TLL1: variants seen among roughly 807,000 people sequenced by gnomAD.
TLL1 encodes tolloid-like protein 1.
In TLL1, 49 loss-of-function variants were observed where a neutral mutation model predicts 128.2. That is an observed-to-expected ratio of 0.38 (90% CI 0.30 to 0.48). The LOEUF (loss-of-function observed/expected upper bound fraction) is 0.48, where lower values mean the gene tolerates loss of function less well. Among genes scored for constraint, TLL1 ranks in the 20% least tolerant of loss-of-function variants. The pLI, the probability that TLL1 is intolerant of heterozygous loss-of-function variation, is 0.96. For synonymous variants in TLL1, 454 were observed against 418.8 expected (o/e 1.08, Z -1.03); for missense variants, 1,123 against 1,242.0 (o/e 0.90, Z 1.44).
chr4:165,979,149 G>A (rs776802889), intron 1 of TLL1, among the ~76,000 whole-genome samples: 1 of 152,046 alleles, frequency 6.6e-6, no homozygotes, highest in Non-Finnish European at 1.5e-5. Flanking sequence ...TAAAAAAGGT[G>A]TATACATGCA....
rs1199205566 is a variant in TLL1 at position 166,060,092 on chromosome 4, G to A, written c.1911G>A (p.Glu637=). The change falls in exon 15 of 21, where the codon GAG becomes GAA. Residue 637 remains glutamate, a synonymous_variant. Coordinates refer to ENST00000061240, the MANE Select transcript of TLL1 (RefSeq NM_012464.5). ...TAACCACCCCTGGCTGGCCCAAGGA[G>A]TACCCTCCTAATAAGAACTGTGTGT... The part of the protein sequence containing the change: ...GTITTPGWPK[E]YPPNKNCVWQ... 5.0e-6 allele frequency: 8 copies of A among 1,613,674 alleles called. No individual in the cohort carries two copies. In the Admixed American group the frequency reaches 5.0e-5, roughly 10 times the overall value.
intron 1 of TLL1, among the ~76,000 whole-genome samples, chr4:165,880,976 A>G (rs1296232731): frequency 6.6e-6 from 1 of 152,174 alleles, no homozygotes; most frequent in East Asian, 1.9e-4. Context: ...TAAGTGTTGG[A>G]AACCACCTTG....
intron 1 of TLL1, among the ~76,000 whole-genome samples, chr4:165,933,384 C>G (rs137888495): frequency 6.6e-6 from 1 of 151,996 alleles, no homozygotes; most frequent in Non-Finnish European, 1.5e-5. Context: ...GTGTTGTGCC[C>G]GTACAGTTCA....
In TLL1 at chr4:166,006,902, T is replaced by C. The variant is rs569447317; in HGVS notation, c.812-1041T>C. On this transcript the variant is annotated intron_variant, in intron 6 of 20. Transcript: ENST00000061240. ...GGAGAGACATAACTCAATTTCTTTA[T>C]TGCCTTTAGAAAACTCTGTATTAAT... 6.0e-4 allele frequency among the ~76,000 whole-genome samples: 91 copies of C among 151,840 alleles called. 1 individual carries two copies. The highest frequency in any genetic ancestry group is 2.2e-3 in the African/African-American group (90 of 41,534).
intron 11 of TLL1, among the ~76,000 whole-genome samples, chr4:166,042,881 G>A (rs1273721682): frequency 1.3e-5 from 2 of 152,188 alleles, no homozygotes; most frequent in African/African-American, 2.4e-5. Flanking sequence ...GACCCAGTGA[G>A]TTCTGTTCAG....
chr4:166,043,465 G>T lies in TLL1; in HGVS notation c.1524+46G>T. On this transcript the variant is annotated intron_variant, in intron 12 of 20. Transcript: ENST00000061240. Reference sequence around the variant, plus strand: ...TTCCTGGCAAATATTCTCCATAAACGACAATGGCATTTAAGAGAATCCTCA... The same window carrying T: ...TTCCTGGCAAATATTCTCCATAAACTACAATGGCATTTAAGAGAATCCTCA... 5 of 1,612,074 alleles carry T rather than the reference G, an allele frequency of 3.1e-6. No homozygotes were observed. In the South Asian group the frequency reaches 5.5e-5, roughly 18 times the overall value.
intron 9 of TLL1, among the ~76,000 whole-genome samples, 160 bp downstream of exon 9, chr4:166,025,591 A>AT (rs375885426): frequency 6.6e-6 from 1 of 152,176 alleles, no homozygotes; most frequent in Non-Finnish European, 1.5e-5. Flanking sequence ...AACTCCAGGA[A>AT]TTTTTTTGAA....
intron 1 of TLL1, among the ~76,000 whole-genome samples, chr4:165,973,232 A>C (rs939158223): frequency 6.6e-6 from 1 of 152,146 alleles, no homozygotes; most frequent in African/African-American, 2.4e-5. Context: ...TGAGTCCCAA[A>C]GCCTCAAAGA....
intron 1 of TLL1, among the ~76,000 whole-genome samples, chr4:165,944,195 T>C (rs1734140939): frequency 6.6e-6 from 1 of 152,174 alleles, no homozygotes. Flanking sequence ...TATTGCTCTT[T>C]TAAGCAACAG....
intron 9 of TLL1, among the ~76,000 whole-genome samples, chr4:166,027,379 G>A (rs1236713206): frequency 6.6e-6 from 1 of 152,166 alleles, no homozygotes; most frequent in African/African-American, 2.4e-5. Flanking sequence ...TTTTTTAAAA[G>A]TTTGATGTTC....
intron 18 of TLL1, among the ~76,000 whole-genome samples, chr4:166,082,465 T>A (rs1174012514): frequency 6.6e-6 from 1 of 152,178 alleles, no homozygotes; most frequent in Non-Finnish European, 1.5e-5. Flanking sequence ...TCTAGTGTTA[T>A]CTACTTTAAA....
At chr4:165,945,592 G>A (rs1734209349) in intron 1 of TLL1, among the ~76,000 whole-genome samples, 1 of 152,022 alleles carries the variant, frequency 6.6e-6, no homozygotes, top group Non-Finnish European at 1.5e-5. Context: ...GTGATATAAA[G>A]TATGAATTGT....
rs1448744737 is a variant in TLL1 at position 166,065,808 on chromosome 4, A to G, written c.2133A>G (p.Glu711=). The change falls in exon 16 of 21, where the codon GAA becomes GAG. Residue 711 remains glutamate, a synonymous_variant. Transcript: ENST00000061240. ...ITSQFNNMRI[E]FKSDNTVSKK... Reference sequence around the variant, plus strand: ...CCCAGTTCAACAATATGAGAATTGAATTCAAATCTGACAATACTGTATCCA... The same window carrying G: ...CCCAGTTCAACAATATGAGAATTGAGTTCAAATCTGACAATACTGTATCCA... 6.2e-7 allele frequency: 1 copy of G among 1,613,028 alleles called. No individual in the cohort carries two copies. Among genetic ancestry groups the G allele is most frequent in the Admixed American group, 1.7e-5 (1 of 59,884 alleles).
intron 7 of TLL1, among the ~76,000 whole-genome samples, chr4:166,012,962 A>G (rs1737767491): frequency 6.6e-6 from 1 of 151,648 alleles, no homozygotes; most frequent in Non-Finnish European, 1.5e-5. Flanking sequence ...TCTGCTTACC[A>G]TTTTCCTATA....
chr4:166,011,695 C>T (rs994342340), intron 7 of TLL1, among the ~76,000 whole-genome samples: 1 of 151,408 alleles, frequency 6.6e-6, no homozygotes, highest in African/African-American at 2.4e-5. Flanking sequence ...CAAGGGTGGG[C>T]ATCCTTGCCT....
chr4:165,902,590 C>T (rs998071100), intron 1 of TLL1, among the ~76,000 whole-genome samples: 9 of 152,160 alleles, frequency 5.9e-5, no homozygotes, highest in Middle Eastern at 3.2e-3. Flanking sequence ...CCTGCTTTGG[C>T]TTGCCTTCCG....
intron 2 of TLL1, among the ~76,000 whole-genome samples, chr4:165,990,748 T>G (rs186257991): frequency 6.6e-6 from 1 of 151,990 alleles, no homozygotes; most frequent in Non-Finnish European, 1.5e-5. Flanking sequence ...CTATCAGATA[T>G]AAAAATTTAT....
chr4:165,887,553 A>G (rs1731217091), intron 1 of TLL1, among the ~76,000 whole-genome samples: 3 of 152,214 alleles, frequency 2.0e-5, no homozygotes, highest in Admixed American at 2.0e-4. Context: ...TTGTAAAGCA[A>G]TTGAATTTGG....
In TLL1 at chr4:165,908,445, C is replaced by T. The variant is rs115967158; in HGVS notation, c.169+34372C>T. ...ATCTGTACTAAAAATTATCCAGGTG[C>T]GGTGACATTTGCCTGTAGTCCCAGC... On this transcript the variant is annotated intron_variant, in intron 1 of 20. Transcript: ENST00000061240. Among the ~76,000 whole-genome samples, 663 of 151,856 alleles carry T rather than the reference C, an allele frequency of 4.4e-3. 3 individuals carry two copies. The highest frequency in any genetic ancestry group is 0.014 in the African/African-American group (580 of 41,432).
Sources: allele counts gnomAD v4.1 joint callset (sites outside exome capture counted in the v4.1 genomes callset), GRCh38; gene constraint gnomAD v4.1.1; transcripts MANE v1.5; gene names NCBI Gene and HGNC (gene_info 2026-07-23, HGNC 2026-07-21).